DYNC1I1: variants seen among roughly 807,000 people sequenced by gnomAD.
DYNC1I1 encodes cytoplasmic dynein 1 intermediate chain 1.
Under a neutral mutation model 86.6 loss-of-function variants are expected in DYNC1I1, and 43 were observed. The ratio of observed to expected loss-of-function variants is 0.50; its 90% CI spans 0.39 to 0.64. The LOEUF (loss-of-function observed/expected upper bound fraction) is 0.64, where lower values mean the gene tolerates loss of function less well. Ranked by LOEUF, DYNC1I1 falls within the 30% of genes least tolerant of loss-of-function variation. The pLI is 0.00. For missense variants in DYNC1I1, 604 were observed against 788.8 expected, an observed-to-expected ratio of 0.77 and a Z score of 2.81; for synonymous variants, 262 against 283.7, an observed-to-expected ratio of 0.92 and a Z score of 0.77.
chr7:95,871,183 A>G (rs1369561807), intron 6 of DYNC1I1, among the ~76,000 whole-genome samples: 2 of 152,222 alleles, frequency 1.3e-5, no homozygotes, highest in Non-Finnish European at 2.9e-5. Flanking sequence ...AATCTTGCCT[A>G]TACAAGCTGT....
intron 6 of DYNC1I1, among the ~76,000 whole-genome samples, chr7:95,870,809 AT>A (rs1790143453): frequency 6.6e-6 from 1 of 152,254 alleles, no homozygotes; most frequent in South Asian, 2.1e-4. Context: ...TCAAAGCAAG[AT>A]TATGCAAAAG....
intron 6 of DYNC1I1, among the ~76,000 whole-genome samples, chr7:95,912,687 C>A (rs1200851862): frequency 1.3e-5 from 2 of 152,146 alleles, no homozygotes; most frequent in Non-Finnish European, 2.9e-5. Context: ...TGCCAGGCAG[C>A]TTTGGAGGCG....
chr7:96,003,888 T>C (rs1794077379), intron 10 of DYNC1I1, among the ~76,000 whole-genome samples: 1 of 152,176 alleles, frequency 6.6e-6, no homozygotes. Flanking sequence ...GCAAACTAGG[T>C]CCACACTTTC....
At chr7:95,998,256 G>A (rs1699312831) in intron 10 of DYNC1I1, among the ~76,000 whole-genome samples, 1 of 152,298 alleles carries the variant, frequency 6.6e-6, no homozygotes, top group South Asian at 2.1e-4. Flanking sequence ...TTATTCTATC[G>A]CATACATCGT....
intron 10 of DYNC1I1, among the ~76,000 whole-genome samples, chr7:96,010,556 T>C: frequency 6.6e-6 from 1 of 152,176 alleles, no homozygotes; most frequent in East Asian, 1.9e-4. Flanking sequence ...TGAATGCTGT[T>C]TGTTTGAGAA....
At chr7:95,976,409 A>C (rs1378043991) in intron 6 of DYNC1I1, among the ~76,000 whole-genome samples, 2 of 152,172 alleles carry the variant, frequency 1.3e-5, no homozygotes, top group East Asian at 3.8e-4. Context: ...GAATTTTGTA[A>C]GTTACTTATT....
intron 7 of DYNC1I1, among the ~76,000 whole-genome samples, chr7:95,980,524 T>G (rs1292537361): frequency 6.7e-6 from 1 of 150,356 alleles, no homozygotes; most frequent in African/African-American, 2.4e-5. Flanking sequence ...AACACATTTT[T>G]GAGAAATCTG....
chr7:95,876,546 T>A (rs556356085), intron 6 of DYNC1I1, among the ~76,000 whole-genome samples: 1 of 151,778 alleles, frequency 6.6e-6, no homozygotes, highest in Non-Finnish European at 1.5e-5. Flanking sequence ...GCAAAAAAAA[T>A]GCCCTAGGTA....
intron 9 of DYNC1I1, 138 bp from the exon 10 acceptor site, chr7:95,995,810 A>G: frequency 1.6e-6 from 2 of 1,231,640 alleles, no homozygotes; most frequent in South Asian, 1.6e-5. Context: ...TGCAGCAGTA[A>G]GCTGATAGTA....
intron 5 of DYNC1I1, among the ~76,000 whole-genome samples, chr7:95,855,961 T>G (rs1034413311): frequency 5.3e-5 from 8 of 152,168 alleles, no homozygotes; most frequent in African/African-American, 1.9e-4. Context: ...TGTACTAAAT[T>G]TATAATTTTT....
At chr7:96,067,445 CT>C (rs555422571) in intron 14 of DYNC1I1, among the ~76,000 whole-genome samples, 4,737 of 138,638 alleles carry the variant, frequency 0.034, 53 homozygotes, top group African/African-American at 0.043. Context: ...TCTTTCTTTC[CT>C]TTTTTTTTTT....
intron 15 of DYNC1I1, among the ~76,000 whole-genome samples, chr7:96,079,021 TTTTTTTTG>T (rs1301880904): frequency 6.6e-6 from 1 of 151,638 alleles, no homozygotes; most frequent in African/African-American, 2.4e-5. Context: ...CTTTTGGGGT[TTTTTTTTG>T]TTTTTTTGTT....
intron 6 of DYNC1I1, among the ~76,000 whole-genome samples, chr7:95,913,038 G>C (rs545339581): frequency 6.6e-6 from 1 of 152,202 alleles, no homozygotes; most frequent in East Asian, 1.9e-4. Flanking sequence ...ACCACTATTG[G>C]CAAAAATAGT....
At chr7:95,907,823 T>A (rs969800191) in intron 6 of DYNC1I1, among the ~76,000 whole-genome samples, 1 of 151,402 alleles carries the variant, frequency 6.6e-6, no homozygotes, top group Non-Finnish European at 1.5e-5. Flanking sequence ...CAACATTCAA[T>A]AAATATTGTT....
chr7:96,052,101 G>T (rs1365583649), intron 14 of DYNC1I1, among the ~76,000 whole-genome samples: 1 of 152,024 alleles, frequency 6.6e-6, no homozygotes, highest in Admixed American at 6.6e-5. Context: ...CTTGGGACCT[G>T]GTAGGCACTG....
At chr7:95,784,671 A>G (rs1314814593) in intron 1 of DYNC1I1, among the ~76,000 whole-genome samples, 1 of 152,182 alleles carries the variant, frequency 6.6e-6, no homozygotes, top group Non-Finnish European at 1.5e-5. Flanking sequence ...ATATCCATGT[A>G]ATAGAGAACC....
intron 6 of DYNC1I1, among the ~76,000 whole-genome samples, chr7:95,941,799 ACTGCACCCACTGTC>A (rs1792231396): frequency 6.6e-6 from 1 of 152,174 alleles, no homozygotes; most frequent in African/African-American, 2.4e-5. Context: ...CACACAGTGC[ACTGCACCCACTGTC>A]CTGCGCCCAC....
intron 10 of DYNC1I1, among the ~76,000 whole-genome samples, chr7:96,013,641 T>C (rs1562971622): frequency 6.6e-6 from 1 of 152,126 alleles, no homozygotes; most frequent in East Asian, 1.9e-4. Flanking sequence ...GTATTTTTTG[T>C]AGGGACAGGT....
intron 1 of DYNC1I1, among the ~76,000 whole-genome samples, chr7:95,779,252 T>A (rs1261623041): frequency 6.6e-6 from 1 of 152,220 alleles, no homozygotes; most frequent in Admixed American, 6.5e-5. Flanking sequence ...TAAGTCAATT[T>A]TTTTGTCTTT....
Sources: allele counts gnomAD v4.1 joint callset (sites outside exome capture counted in the v4.1 genomes callset), GRCh38; gene constraint gnomAD v4.1.1; transcripts MANE v1.5; gene names NCBI Gene and HGNC (gene_info 2026-07-23, HGNC 2026-07-21).